CTDSP2: variants seen among roughly 807,000 people sequenced by gnomAD.
CTDSP2 encodes the protein CTD small phosphatase 2, also known as carboxy-terminal domain RNA polymerase II polypeptide A small phosphatase 2.
Under a neutral mutation model 31.6 loss-of-function variants are expected in CTDSP2, and 9 were observed. The ratio of observed to expected loss-of-function variants is 0.28; its 90% confidence interval spans 0.17 to 0.50. The LOEUF is 0.50. Ranked by LOEUF, CTDSP2 falls within the 20% of genes least tolerant of loss-of-function variation. The pLI, the probability that CTDSP2 is intolerant of heterozygous loss-of-function variation, is 0.98. For missense variants in CTDSP2, 267 were observed against 348.5 expected (o/e 0.77, Z 1.86); for synonymous variants, 134 against 134.5 (o/e 1.00, Z 0.03).
chr12:57,821,245 G>C lies in CTDSP2; in HGVS notation c.*2357C>G, dbSNP rs1035092576. On this transcript the variant is annotated 3_prime_UTR_variant, in exon 8 of 8. Coordinates refer to ENST00000398073, the MANE Select transcript of CTDSP2 (RefSeq NM_005730.4). ...TGGGGCAAGTGGGAATGGCATTGTT[G>C]GGGGGGAGTTGCAGGTGGGCAGGCA... 2.6e-5 allele frequency: 4 copies of C among 151,096 alleles called. No homozygotes were observed. The highest frequency in any genetic ancestry group is 6.6e-5 in the Admixed American group (1 of 15,204). 9.4% of individuals were successfully genotyped at this position (151,096 alleles called of 1,614,324 possible).
chr12:57,838,031 A>G (rs1956258601), intron 1 of CTDSP2, among the ~76,000 whole-genome samples: 2 of 152,146 alleles, frequency 1.3e-5, no homozygotes, highest in African/African-American at 4.8e-5. Context: ...TGGCAGTTCT[A>G]AAGCACGCTG....
chr12:57,823,380 A>G lies in CTDSP2; in HGVS notation c.*222T>C. 1 of 580,116 alleles carries G rather than the reference A, an allele frequency of 1.7e-6. No homozygotes were observed. The highest frequency in any genetic ancestry group is 3.1e-6 in the Non-Finnish European group (1 of 324,908). 35.9% of individuals were successfully genotyped at this position (580,116 alleles called of 1,614,324 possible). A position where few individuals can be genotyped will look rare whatever the true frequency, so the allele number is the denominator to read the frequency against. ...ACAAACACACACTCTCTCACAGTCAAACACACATCTCAACAAGTTGGCGGC... is the reference window on the plus strand; with the variant it reads ...ACAAACACACACTCTCTCACAGTCAGACACACATCTCAACAAGTTGGCGGC... On this transcript the variant is annotated 3_prime_UTR_variant, in exon 8 of 8. Coordinates refer to ENST00000398073, the MANE Select transcript of CTDSP2 (RefSeq NM_005730.4).
chr12:57,824,636 A>T (rs1386005710), intron 5 of CTDSP2: 1 of 569,646 alleles, frequency 1.8e-6, no homozygotes, highest in Admixed American at 1.9e-5. Context: ...AGTAATCAAG[A>T]ATAGGCCTCA....
At chr12:57,831,917 A>C (rs1956218167) in intron 1 of CTDSP2, among the ~76,000 whole-genome samples, 1 of 152,244 alleles carries the variant, frequency 6.6e-6, no homozygotes, top group Admixed American at 6.5e-5. Flanking sequence ...GCCATTTAAC[A>C]TCCAGTTACT....
chr12:57,833,460 A>G (rs1047349462), intron 1 of CTDSP2, among the ~76,000 whole-genome samples: 5 of 152,166 alleles, frequency 3.3e-5, no homozygotes, highest in Non-Finnish European at 7.4e-5. Context: ...CACTCCCTTG[A>G]TGGGGCCCTG....
At chr12:57,838,653 G>A (rs767062289) in intron 1 of CTDSP2, among the ~76,000 whole-genome samples, 13 of 152,340 alleles carry the variant, frequency 8.5e-5, no homozygotes, top group Non-Finnish European at 1.2e-4. Context: ...GAGGACACAG[G>A]ACAAAGCAAG....
At chr12:57,827,490 T>G in intron 3 of CTDSP2, 62 bp downstream of exon 3, 16 of 1,557,888 alleles carry the variant, frequency 1.0e-5, no homozygotes, top group Non-Finnish European at 1.4e-5. Flanking sequence ...ACCCTGCCCG[T>G]GGAGCTGGCA....
intron 1 of CTDSP2, among the ~76,000 whole-genome samples, chr12:57,834,779 G>A (rs1306916498): frequency 2.6e-5 from 4 of 152,176 alleles, no homozygotes; most frequent in African/African-American, 7.2e-5. Flanking sequence ...GGAACACTGG[G>A]CACAAGAGGA....
chr12:57,827,704 C>G (rs1186240376), intron 2 of CTDSP2, 114 bp from the exon 3 acceptor site: 1 of 960,240 alleles, frequency 1.0e-6, no homozygotes, highest in Non-Finnish European at 1.6e-6. Context: ...ACCCAGCCAC[C>G]TGGAAGCTCC....
intron 1 of CTDSP2, among the ~76,000 whole-genome samples, chr12:57,832,330 C>T (rs1160864141): frequency 7.2e-5 from 11 of 152,306 alleles, no homozygotes; most frequent in Admixed American, 7.2e-4. Flanking sequence ...TGAAGTTGTG[C>T]TGGGGACATC....
intron 1 of CTDSP2, among the ~76,000 whole-genome samples, chr12:57,833,453 T>G (rs927582983): frequency 1.3e-5 from 2 of 152,188 alleles, no homozygotes; most frequent in Non-Finnish European, 2.9e-5. Context: ...CATTCCCCAC[T>G]CCCTTGATGG....
intron 1 of CTDSP2, among the ~76,000 whole-genome samples, chr12:57,837,929 CA>C (rs1201806682): frequency 6.6e-6 from 1 of 152,052 alleles, no homozygotes; most frequent in African/African-American, 2.4e-5. Context: ...GGTCACAGGT[CA>C]CACACTTTCT....
chr12:57,846,557 G>C lies in CTDSP2; in HGVS notation c.-122C>G, dbSNP rs919654149. On this transcript the variant is annotated 5_prime_UTR_variant, in exon 1 of 8. Transcript: ENST00000398073. ...TCCCGAGACTCCGACTTCCACAGCT[G>C]TTCACATCCCCCCTCTCGTTTCCTC... The C allele has an allele frequency of 2.7e-6, 2 of 750,566 alleles. No individual in the cohort carries two copies. The highest frequency in any genetic ancestry group is 3.8e-5 in the African/African-American group (2 of 52,668). The allele number at this position is 750,566 out of a possible 1,614,324, so 46.5% of individuals were successfully genotyped here. A position where few individuals can be genotyped will look rare whatever the true frequency, so the allele number is the denominator to read the frequency against.
chr12:57,824,576 A>C (rs1565843826), intron 5 of CTDSP2: 1 of 654,642 alleles, frequency 1.5e-6, no homozygotes, highest in Admixed American at 1.8e-5. Context: ...ACCATGTCCC[A>C]GGAGCCATCT....
chr12:57,837,337 A>G (rs1258549590), intron 1 of CTDSP2: 2 of 152,260 alleles, frequency 1.3e-5, no homozygotes, highest in Non-Finnish European at 2.9e-5. Context: ...CTCTACAGCT[A>G]ACAAGCAAGG....
At position 57,824,314 on chromosome 12, in the gene CTDSP2, A is replaced by G. The variant is rs760565895; in HGVS notation, c.417T>C (p.Tyr139=). Residue 139 remains tyrosine, a synonymous_variant, in exon 6 of 8, where the codon TAT becomes TAC. Transcript: ENST00000398073. ...IEIEGTTHQV[Y]VLKRPYVDEF... is the part of the protein sequence containing the mutation. Reference sequence around the variant, plus strand: ...CATCCACATAAGGCCTCTTGAGCACATACACCTGAGGAAGAGCAGAGCAGC... The same window carrying G: ...CATCCACATAAGGCCTCTTGAGCACGTACACCTGAGGAAGAGCAGAGCAGC... 1 of 1,613,436 alleles carries G rather than the reference A, an allele frequency of 6.2e-7. No individual in the cohort carries two copies. The highest frequency in any genetic ancestry group is 8.5e-7 in the Non-Finnish European group (1 of 1,179,368).
chr12:57,821,448 G>C lies in CTDSP2; in HGVS notation c.*2154C>G, dbSNP rs533519984. 46 of 152,816 alleles carry C rather than the reference G, an allele frequency of 3.0e-4. No homozygotes were observed. The highest frequency in any genetic ancestry group is 1.1e-3 in the African/African-American group (45 of 41,594). The allele number at this position is 152,816 out of a possible 1,614,324, so 9.5% of individuals were successfully genotyped here. ...CATCTGGAAAAACATGGAGATCCAA[G>C]GGAGGGCGGAAAGGGTCCTTGCAAC... On this transcript the variant is annotated 3_prime_UTR_variant, in exon 8 of 8. Coordinates refer to ENST00000398073, the MANE Select transcript of CTDSP2 (RefSeq NM_005730.4).
intron 1 of CTDSP2, among the ~76,000 whole-genome samples, chr12:57,840,721 T>C (rs1351166311): frequency 7.2e-6 from 1 of 139,562 alleles, no homozygotes; most frequent in Non-Finnish European, 1.5e-5. Flanking sequence ...AAAGAAGGTA[T>C]AGAATAAAAA....
chr12:57,829,424 A>C, intron 2 of CTDSP2, 24 bp downstream of exon 2: 1 of 1,608,578 alleles, frequency 6.2e-7, no homozygotes, highest in East Asian at 2.2e-5. Context: ...CATTGCTGGC[A>C]TCTTACCACC....
Sources: gnomAD v4.1 joint callset for allele counts (sites outside exome capture counted in the v4.1 genomes callset) on GRCh38, gnomAD v4.1.1 for gene constraint, MANE v1.5 for transcripts, NCBI Gene and HGNC (gene_info 2026-07-23, HGNC 2026-07-21) for gene names.